The following HABP2 variants were observed in gnomAD, a reference collection of about 807,000 sequenced individuals.
The protein encoded by HABP2 is factor VII-activating protease.
HABP2 carries 65 observed loss-of-function variants against 66.5 expected under a neutral mutation model. The observed-to-expected ratio is 0.98, with a 90% CI of 0.80 to 1.20. HABP2 has a LOEUF of 1.20. Ranked by LOEUF, HABP2 falls within the 50% of genes most tolerant of loss-of-function variation. The probability of loss-of-function intolerance (pLI) is 0.00; values close to 1 mark genes in which losing one functional copy is unlikely to be tolerated. For synonymous variants in HABP2, 263 were observed against 253.9 expected (o/e 1.04, Z -0.34); for missense variants, 786 against 691.0 (o/e 1.14, Z -1.54).
At chr10:113,569,328 G>A (rs1030059818) in intron 2 of HABP2, among the ~76,000 whole-genome samples, 2 of 152,176 alleles carry the variant, frequency 1.3e-5, no homozygotes, top group African/African-American at 4.8e-5. Flanking sequence ...CAGGGAGTGG[G>A]CTGAGTTGTA....
intron 5 of HABP2, 22 bp from the exon 6 acceptor site, chr10:113,578,003 TG>T (rs1845443792): frequency 6.2e-7 from 1 of 1,612,904 alleles, no homozygotes; most frequent in South Asian, 1.1e-5. Context: ...AGAGCCTTCC[TG>T]GCCCCATTCC....
chr10:113,575,219 T>C (rs1845387473), intron 3 of HABP2, among the ~76,000 whole-genome samples: 1 of 152,166 alleles, frequency 6.6e-6, no homozygotes, highest in Admixed American at 6.5e-5. Context: ...GGGATCCTAG[T>C]TCCTGAACCA....
chr10:113,565,315 G>A (rs1336975940), intron 1 of HABP2, among the ~76,000 whole-genome samples: 1 of 152,172 alleles, frequency 6.6e-6, no homozygotes, highest in Non-Finnish European at 1.5e-5. Context: ...ACCTGAGGCT[G>A]GGTGATGTAT....
At chr10:113,560,792 G>A (rs1320243293) in intron 1 of HABP2, among the ~76,000 whole-genome samples, 1 of 152,192 alleles carries the variant, frequency 6.6e-6, no homozygotes, top group Non-Finnish European at 1.5e-5. Flanking sequence ...GTAGGATTCC[G>A]CTTCCATGAG....
At chr10:113,579,084 C>T (rs1393121405) in intron 7 of HABP2, among the ~76,000 whole-genome samples, 1 of 148,454 alleles carries the variant, frequency 6.7e-6, no homozygotes, top group Admixed American at 6.7e-5. Flanking sequence ...TGGCAAAACC[C>T]CGTCTCTACC....
chr10:113,569,626 C>G (rs1845266925), intron 2 of HABP2: 1 of 152,474 alleles, frequency 6.6e-6, no homozygotes, highest in African/African-American at 2.4e-5. Flanking sequence ...AGCACAGACT[C>G]TGCCAATCTC....
At chr10:113,567,417 G>T in intron 1 of HABP2, 72 bp from the exon 2 acceptor site, 5 of 1,157,766 alleles carry the variant, frequency 4.3e-6, no homozygotes, top group Non-Finnish European at 6.5e-6. Flanking sequence ...ATCTCCTCTG[G>T]CTGACAGCTA....
Position 113,574,341 on chromosome 10 carries a change from G to T in HABP2, c.159G>T (p.Glu53Asp), listed in dbSNP as rs753653917. The change falls in exon 3 of 13, where the codon GAG (glutamate) becomes GAT (aspartate). Residue 53 changes from glutamate (E) to aspartate (D), a missense_variant. Glu to Asp is a conservative substitution (Grantham distance 45). Coordinates refer to ENST00000351270, the MANE Select transcript of HABP2 (RefSeq NM_004132.5). ...GCTACGAGGATTATAATCAGGAAGA[G>T]AACACCAGTAGCACACTTACCCACG... ...DYSYEDYNQE[E>D]NTSSTLTHAE... 9 of 1,609,278 alleles carry T rather than the reference G, an allele frequency of 5.6e-6. No homozygotes were observed. In the East Asian group the frequency reaches 6.7e-5, roughly 12 times the overall value.
At chr10:113,580,220 A>G (rs1845497990) in intron 7 of HABP2, among the ~76,000 whole-genome samples, 1 of 152,054 alleles carries the variant, frequency 6.6e-6, no homozygotes, top group African/African-American at 2.4e-5. Context: ...CCATGCATAG[A>G]ATTCAAAGCC....
At chr10:113,575,735 G>C (rs1361748559) in intron 3 of HABP2, among the ~76,000 whole-genome samples, 162 bp from the exon 4 acceptor site, 1 of 152,138 alleles carries the variant, frequency 6.6e-6, no homozygotes, top group Non-Finnish European at 1.5e-5. Flanking sequence ...AGTTTTCCTT[G>C]CTGTTTAGGG....
At chr10:113,561,172 G>A (rs1284742097) in intron 1 of HABP2, among the ~76,000 whole-genome samples, 1 of 152,202 alleles carries the variant, frequency 6.6e-6, no homozygotes, top group African/African-American at 2.4e-5. Context: ...GAATCCTACT[G>A]ATTTACAGTG....
In HABP2 at chr10:113,589,512, G is replaced by C. The variant is rs577842899; in HGVS notation, c.*1143G>C. ...GCGTGTCATCTGCCTGGTCATCTCA[G>C]ACCCATGAAATTAGGCGCCTTGTTT... is the stretch of plus-strand genomic sequence containing the variant. On this transcript the variant is annotated 3_prime_UTR_variant, in exon 13 of 13. Coordinates refer to ENST00000351270, the MANE Select transcript of HABP2 (RefSeq NM_004132.5). 4 of 830,356 alleles carry C rather than the reference G, an allele frequency of 4.8e-6. No homozygotes were observed. In the East Asian group the frequency reaches 1.0e-4, roughly 21 times the overall value. 51.4% of individuals were successfully genotyped at this position (830,356 alleles called of 1,614,324 possible).
At chr10:113,568,623 G>A (rs762672079) in intron 2 of HABP2, among the ~76,000 whole-genome samples, 14 of 152,158 alleles carry the variant, frequency 9.2e-5, no homozygotes, top group East Asian at 5.8e-4. Flanking sequence ...CTCTGAAGGC[G>A]CGTATTTCAG....
Position 113,589,006 on chromosome 10 carries a change from T to G in HABP2, c.*637T>G, listed in dbSNP as rs1448633595. The G allele has an allele frequency of 6.2e-7, 1 of 1,613,912 alleles. No individual in the cohort carries two copies. The highest frequency in any genetic ancestry group is 1.7e-5 in the Admixed American group (1 of 59,996). On this transcript the variant is annotated 3_prime_UTR_variant, in exon 13 of 13. Transcript: ENST00000351270. ...CAGCAGGGCCTTCTTCTTTTTGACG[T>G]GCAGAATCTCAGTGGCATCTGGGTT...
At chr10:113,552,475 C>T (rs1341176130), upstream of HABP2, among the ~76,000 whole-genome samples, 1 of 151,962 alleles carries the variant, frequency 6.6e-6, no homozygotes. Context: ...AGAAAGACTC[C>T]AGCAAAAGGG....
chr10:113,578,999 G>A (rs1290182075), intron 7 of HABP2, among the ~76,000 whole-genome samples: 1 of 151,726 alleles, frequency 6.6e-6, no homozygotes, highest in Non-Finnish European at 1.5e-5. Context: ...GTTCATGCCT[G>A]TAATCCTAGC....
intron 12 of HABP2, among the ~76,000 whole-genome samples, chr10:113,587,352 A>C (rs1191311472): frequency 1.3e-5 from 2 of 151,336 alleles, no homozygotes; most frequent in African/African-American, 4.9e-5. Flanking sequence ...AAAAAACCTC[A>C]TTCAATTCCC....
intron 1 of HABP2, among the ~76,000 whole-genome samples, chr10:113,557,535 T>A (rs1394803664): frequency 1.3e-5 from 2 of 152,194 alleles, no homozygotes; most frequent in Non-Finnish European, 1.5e-5. Flanking sequence ...TTTTTCTTCA[T>A]AATTAATATA....
In HABP2 at chr10:113,585,939, GTCAGAGAC is replaced by G. The variant is rs1564681953; in HGVS notation, c.1518+4_1518+11del. 1 of 1,613,512 alleles carries G rather than the reference GTCAGAGAC, an allele frequency of 6.2e-7. No homozygotes were observed. The highest frequency in any genetic ancestry group is 8.5e-7 in the Non-Finnish European group (1 of 1,179,478). On this transcript the variant is annotated splice_donor_variant and splice_donor_5th_base_variant and intron_variant, in intron 12 of 12. Transcript: ENST00000351270. LOFTEE classifies it high-confidence loss of function. ...GAAACCTGGGCAAGACACCTGCCAG[GTCAGAGAC>G]TCCAAGTGGTGCTTGTGGTAGGAGA...
Sources: gnomAD v4.1 joint callset for allele counts (sites outside exome capture counted in the v4.1 genomes callset) on GRCh38, gnomAD v4.1.1 for gene constraint, MANE v1.5 for transcripts, NCBI Gene and HGNC (gene_info 2026-07-23, HGNC 2026-07-21) for gene names.